The following PCDHGB2 variants were observed in gnomAD, a reference collection of about 807,000 sequenced individuals.
The protein encoded by PCDHGB2 is protocadherin gamma subfamily B, 2.
A neutral mutation model predicts 59.3 loss-of-function variants in PCDHGB2; 55 were observed. The ratio of observed to expected loss-of-function variants is 0.93; its 90% CI spans 0.75 to 1.16. The LOEUF is 1.16. Ranked by LOEUF, PCDHGB2 falls within the 50% of genes most tolerant of loss-of-function variation. The pLI is 0.00. For synonymous variants in PCDHGB2, 516 were observed against 512.0 expected (o/e 1.01, Z -0.11); for missense variants, 1,228 against 1,198.5 (o/e 1.02, Z -0.36).
chr5:141,380,927 T>C (rs1776861991), intron 1 of PCDHGB2, among the ~76,000 whole-genome samples: 2 of 152,248 alleles, frequency 1.3e-5, no homozygotes, highest in African/African-American at 2.4e-5. Context: ...TTAATAATCA[T>C]ACACTTTGCT....
chr5:141,462,999 C>T (rs1360054048), intron 1 of PCDHGB2, among the ~76,000 whole-genome samples: 1 of 152,068 alleles, frequency 6.6e-6, no homozygotes, highest in Non-Finnish European at 1.5e-5. Flanking sequence ...TAATTTAGAC[C>T]TACCACTTAA....
At chr5:141,478,442 C>G (rs1245219009) in intron 1 of PCDHGB2, 1 of 1,613,608 alleles carries the variant, frequency 6.2e-7, no homozygotes, top group Non-Finnish European at 8.5e-7. Flanking sequence ...GCTGAAGAAA[C>G]CTGGTGCAGC....
chr5:141,431,411 G>A lies in PCDHGB2; in HGVS notation c.2422-63396G>A. On this transcript the variant is annotated intron_variant, in intron 1 of 3. Coordinates refer to ENST00000522605, the MANE Select transcript of PCDHGB2 (RefSeq NM_018923.3). This position sits in a 1 kb window ranked among gnomAD's most constrained non-coding sequence, Gnocchi z 4.8. ...CCTGGTCCTTACGGCCTCCGACGGG[G>A]GCGACCCGGTGCGCACAGGCACCGC... 3 of 1,613,728 alleles carry A rather than the reference G, an allele frequency of 1.9e-6. No individual in the cohort carries two copies. The highest frequency in any genetic ancestry group is 2.5e-6 in the Non-Finnish European group (3 of 1,180,038).
At chr5:141,433,103 C>T (rs762225174) in intron 1 of PCDHGB2, 3 of 1,614,126 alleles carry the variant, frequency 1.9e-6, no homozygotes, top group Non-Finnish European at 2.5e-6. Flanking sequence ...GCTCGTCAGC[C>T]AGGAGAGCTT....
At chr5:141,384,243 C>T in intron 1 of PCDHGB2, 1 of 1,613,880 alleles carries the variant, frequency 6.2e-7, no homozygotes, top group Non-Finnish European at 8.5e-7. Context: ...CCAACGATAA[C>T]CCACCCACCT....
chr5:141,474,500 C>G (rs183956979), intron 1 of PCDHGB2, among the ~76,000 whole-genome samples: 31 of 152,324 alleles, frequency 2.0e-4, no homozygotes, highest in African/African-American at 6.3e-4. Context: ...CTTCTAATGC[C>G]TATCAGCCCT....
intron 1 of PCDHGB2, among the ~76,000 whole-genome samples, chr5:141,488,510 G>A (rs910546464): frequency 1.3e-5 from 2 of 152,152 alleles, no homozygotes; most frequent in Non-Finnish European, 2.9e-5. Context: ...TCCACATTTG[G>A]GGTCTGGGGT....
At position 141,502,349 on chromosome 5, in the gene PCDHGB2, T is replaced by C. The variant is rs369766657; in HGVS notation, c.2481-3044T>C. 1.3e-3 allele frequency among the ~76,000 whole-genome samples: 200 copies of C among 152,292 alleles called. 3 individuals carry two copies. In the South Asian group the frequency reaches 0.034, roughly 26 times the overall value. On this transcript the variant is annotated intron_variant, in intron 2 of 3. Transcript: ENST00000522605. ...GCTCCCAGTCTTTTTATTTTTTTAA[T>C]GACATGGATATTTTTAAAGAGTCCA...
intron 1 of PCDHGB2, among the ~76,000 whole-genome samples, chr5:141,446,882 G>A (rs1419213225): frequency 1.3e-5 from 2 of 152,086 alleles, no homozygotes; most frequent in African/African-American, 4.8e-5. Flanking sequence ...TATGTTTTGG[G>A]GTTCATGGCT....
Position 141,432,390 on chromosome 5 carries a change from G to A in PCDHGB2, c.2422-62417G>A. The A allele has an allele frequency of 6.2e-7, 1 of 1,614,256 alleles. No homozygotes were observed. The highest frequency in any genetic ancestry group is 8.5e-7 in the Non-Finnish European group (1 of 1,180,046). On this transcript the variant is annotated intron_variant, in intron 1 of 3. Transcript: ENST00000522605. This position sits in a 1 kb window ranked among gnomAD's most constrained non-coding sequence, Gnocchi z 6.0. ...GACAACGGGCACCCGCCCCTCAGCA[G>A]CAACGTGTCGTTGAGCCTGTTCGTG... is the stretch of plus-strand genomic sequence containing the variant.
At chr5:141,497,595 A>C (rs973413640) in intron 2 of PCDHGB2, among the ~76,000 whole-genome samples, 1 of 147,414 alleles carries the variant, frequency 6.8e-6, no homozygotes, top group East Asian at 2.0e-4. Context: ...GCTGGAGTGC[A>C]GTGGTGCGAT....
intron 1 of PCDHGB2, chr5:141,441,144 T>C (rs141609485): frequency 6.6e-6 from 1 of 152,296 alleles, no homozygotes; most frequent in African/African-American, 2.4e-5. Context: ...TAGAAGATAA[T>C]GACAATATCC....
At chr5:141,441,404 C>T (rs1231257776) in intron 1 of PCDHGB2, 1 of 155,262 alleles carries the variant, frequency 6.4e-6, no homozygotes, top group Admixed American at 6.5e-5. Context: ...ATCAGCATCA[C>T]TGCCACTGAC....
intron 2 of PCDHGB2, among the ~76,000 whole-genome samples, chr5:141,500,739 C>T (rs1199462920): frequency 6.6e-6 from 1 of 152,114 alleles, no homozygotes; most frequent in Non-Finnish European, 1.5e-5. Context: ...CAAAATTCTT[C>T]CCAAGTCATT....
intron 1 of PCDHGB2, chr5:141,365,444 C>T (rs771471249): frequency 3.7e-6 from 6 of 1,613,872 alleles, no homozygotes; most frequent in South Asian, 2.2e-5. Context: ...GTTTAGCGTA[C>T]ATGATGGTGA....
chr5:141,408,636 C>T (rs1236637669), intron 1 of PCDHGB2: 2 of 1,614,024 alleles, frequency 1.2e-6, no homozygotes. Flanking sequence ...ATTTTCGAAT[C>T]TGCATCCGCT....
chr5:141,407,425 CTT>C (rs1307911949), intron 1 of PCDHGB2, among the ~76,000 whole-genome samples: 3 of 151,864 alleles, frequency 2.0e-5, no homozygotes, highest in African/African-American at 4.8e-5. Context: ...AAAAATGTCT[CTT>C]GCCCTTAAAA....
intron 1 of PCDHGB2, among the ~76,000 whole-genome samples, chr5:141,430,398 C>T (rs2097281985): frequency 6.7e-6 from 1 of 150,224 alleles, no homozygotes. Flanking sequence ...AAAAAAAAAG[C>T]TCACTAAAGT....
At chr5:141,393,275 C>T (rs769641711) in intron 1 of PCDHGB2, 4 of 1,613,828 alleles carry the variant, frequency 2.5e-6, no homozygotes, top group East Asian at 4.5e-5. Context: ...GTTATCCACT[C>T]CCAGAAGCTG....
Sources: allele counts gnomAD v4.1 joint callset (sites outside exome capture counted in the v4.1 genomes callset), GRCh38; gene constraint gnomAD v4.1.1; non-coding constraint Gnocchi (gnomAD v3.1); transcripts MANE v1.5; gene names NCBI Gene and HGNC (gene_info 2026-07-23, HGNC 2026-07-21).